The following CCDC88A variants were observed in gnomAD, a reference collection of about 807,000 sequenced individuals.
CCDC88A encodes the protein girdin.
Under a neutral mutation model 234.3 loss-of-function variants are expected in CCDC88A, and 54 were observed. The ratio of observed to expected loss-of-function variants is 0.23; its 90% confidence interval spans 0.19 to 0.29. CCDC88A has a LOEUF of 0.29. Among genes scored for constraint, CCDC88A ranks in the 10% least tolerant of loss-of-function variants. The probability of loss-of-function intolerance (pLI) is 1.00; values close to 1 mark genes in which losing one functional copy is unlikely to be tolerated. For missense variants in CCDC88A, 1,832 were observed against 2,123.4 expected (o/e 0.86, Z 2.70); for synonymous variants, 753 against 737.8 (o/e 1.02, Z -0.33).
intron 30 of CCDC88A, 54 bp downstream of exon 30, chr2:55,296,204 G>A: frequency 1.4e-6 from 2 of 1,442,588 alleles, no homozygotes. Context: ...TTCAATTACA[G>A]AAATTTAACT....
At chr2:55,369,762 T>A (rs1010193608) in intron 5 of CCDC88A, among the ~76,000 whole-genome samples, 15 of 152,254 alleles carry the variant, frequency 9.9e-5, no homozygotes, top group Non-Finnish European at 1.3e-4. Context: ...TTTCTCAACA[T>A]CTTTGCTCTC....
intron 27 of CCDC88A, chr2:55,301,481 C>T: frequency 5.8e-6 from 3 of 520,726 alleles, no homozygotes; most frequent in Non-Finnish European, 1.0e-5. Flanking sequence ...TTAGGGAAAA[C>T]ACCAAAAGCA....
intron 5 of CCDC88A, among the ~76,000 whole-genome samples, chr2:55,368,029 C>T (rs1672275701): frequency 6.6e-6 from 1 of 152,176 alleles, no homozygotes; most frequent in Non-Finnish European, 1.5e-5. Context: ...CCAAACAAAA[C>T]ACTGCAAAAC....
chr2:55,410,892 CA>C (rs71924495), intron 2 of CCDC88A, among the ~76,000 whole-genome samples: 71,349 of 131,776 alleles, frequency 0.54, 18,906 homozygotes, highest in Admixed American at 0.65. Context: ...GGCCTTGTCT[CA>C]AAAAAAAAAA....
At chr2:55,406,573 G>T (rs1679626497) in intron 2 of CCDC88A, among the ~76,000 whole-genome samples, 1 of 152,066 alleles carries the variant, frequency 6.6e-6, no homozygotes, top group African/African-American at 2.4e-5. Context: ...GGCCAACATG[G>T]AAAAACCCCG....
chr2:55,392,818 C>T (rs1009510062), intron 2 of CCDC88A, among the ~76,000 whole-genome samples: 3 of 152,150 alleles, frequency 2.0e-5, no homozygotes, highest in African/African-American at 7.2e-5. Context: ...TCTCAGATTC[C>T]CACATTAAGT....
At chr2:55,390,304 T>C (rs1292072082) in intron 2 of CCDC88A, among the ~76,000 whole-genome samples, 1 of 152,172 alleles carries the variant, frequency 6.6e-6, no homozygotes, top group Admixed American at 6.5e-5. Flanking sequence ...CCCTCACACG[T>C]AGTTAGAAGT....
intron 2 of CCDC88A, among the ~76,000 whole-genome samples, chr2:55,412,431 G>C (rs1004216500): frequency 2.0e-5 from 3 of 152,218 alleles, no homozygotes. Flanking sequence ...CCACACAGCA[G>C]ATCAGTGGTG....
At chr2:55,347,767 A>G (rs979110651) in intron 9 of CCDC88A, among the ~76,000 whole-genome samples, 2 of 151,390 alleles carry the variant, frequency 1.3e-5, no homozygotes, top group African/African-American at 4.9e-5. Context: ...GTGCACCACC[A>G]CACCCAATTA....
chr2:55,383,873 A>G (rs1675021645), intron 3 of CCDC88A, among the ~76,000 whole-genome samples: 1 of 152,116 alleles, frequency 6.6e-6, no homozygotes, highest in Non-Finnish European at 1.5e-5. Flanking sequence ...CAAAAAAATT[A>G]TTTCAGTAAG....
chr2:55,397,879 A>C (rs889167454), intron 2 of CCDC88A, among the ~76,000 whole-genome samples: 2 of 152,122 alleles, frequency 1.3e-5, no homozygotes, highest in African/African-American at 2.4e-5. Context: ...AAAAAAAATT[A>C]ATGTTTTATA....
chr2:55,365,466 A>G (rs1040821695), intron 5 of CCDC88A, among the ~76,000 whole-genome samples: 10 of 152,178 alleles, frequency 6.6e-5, no homozygotes, highest in African/African-American at 2.2e-4. Flanking sequence ...ATGACTCACC[A>G]AAGAGTTCCT....
chr2:55,385,158 A>C (rs996176246), intron 3 of CCDC88A, among the ~76,000 whole-genome samples: 1 of 152,126 alleles, frequency 6.6e-6, no homozygotes, highest in Non-Finnish European at 1.5e-5. Context: ...CTACCAAAAG[A>C]AACAGCAAGC....
chr2:55,416,172 T>C (rs1036429124), intron 2 of CCDC88A, among the ~76,000 whole-genome samples: 4 of 151,562 alleles, frequency 2.6e-5, no homozygotes, highest in Non-Finnish European at 4.4e-5. Context: ...ATGAAAAACA[T>C]AGACATGGAA....
At chr2:55,294,325 G>C in intron 31 of CCDC88A, 2 of 984,084 alleles carry the variant, frequency 2.0e-6, no homozygotes, top group Non-Finnish European at 2.4e-6. Context: ...GTGCAGAGAA[G>C]AAACAATAAA....
chr2:55,322,440 A>G, intron 18 of CCDC88A, 88 bp downstream of exon 18: 1 of 765,390 alleles, frequency 1.3e-6, no homozygotes, highest in South Asian at 2.4e-5. Context: ...AATTGTTTAA[A>G]TATTAGAAAA....
Position 55,317,109 on chromosome 2 carries a change from G to T in CCDC88A, c.3746+97C>A. 1 of 433,068 alleles carries T rather than the reference G, an allele frequency of 2.3e-6. No individual in the cohort carries two copies. Among genetic ancestry groups the T allele is most frequent in the Non-Finnish European group, 3.6e-6 (1 of 275,176 alleles). The allele number at this position is 433,068 out of a possible 1,614,324, so 26.8% of individuals were successfully genotyped here. ...GGGGCAGTATATAGTTTGGATGTAA[G>T]AAATAATACATAATTTTGAAAAAAC... On this transcript the variant is annotated intron_variant, in intron 21 of 32. Transcript: ENST00000436346. This position sits in a 1 kb window ranked among gnomAD's most constrained non-coding sequence, Gnocchi z 4.2.
chr2:55,295,296 G>A lies in CCDC88A; in HGVS notation c.5551+301C>T, dbSNP rs529096011. 3.4e-4 allele frequency: 491 copies of A among 1,423,950 alleles called. 4 individuals carry two copies. In the South Asian group the frequency reaches 4.7e-3, roughly 14 times the overall value. The allele number at this position is 1,423,950 out of a possible 1,614,324, so 88.2% of individuals were successfully genotyped here. A position where few individuals can be genotyped will look rare whatever the true frequency, so the allele number is the denominator to read the frequency against. ...GTCAGTTATTCTGATAACTGGCCTA[G>A]GAGGTAACCCACTTATGTTACTAAC... is the stretch of plus-strand genomic sequence containing the variant. On this transcript the variant is annotated intron_variant, in intron 31 of 32. Coordinates refer to ENST00000436346, the MANE Select transcript of CCDC88A (RefSeq NM_001365480.1).
intron 2 of CCDC88A, among the ~76,000 whole-genome samples, chr2:55,401,204 A>G (rs1469141672): frequency 2.0e-5 from 3 of 151,658 alleles, no homozygotes; most frequent in African/African-American, 7.3e-5. Context: ...CTGAGGCCAG[A>G]GAATTGCTTC....
Sources: gnomAD v4.1 joint callset for allele counts (sites outside exome capture counted in the v4.1 genomes callset) on GRCh38, gnomAD v4.1.1 for gene constraint, Gnocchi (gnomAD v3.1) non-coding constraint, MANE v1.5 for transcripts, NCBI Gene and HGNC (gene_info 2026-07-23, HGNC 2026-07-21) for gene names.